Variants in TBX5 observed in about 807,000 individuals in gnomAD.
TBX5 encodes the protein T-box transcription factor TBX5.
A neutral mutation model predicts 51.1 loss-of-function variants in TBX5; 8 were observed. That is an observed-to-expected ratio of 0.16 (90% CI 0.09 to 0.28). TBX5 has a LOEUF of 0.28. TBX5 is among the 10% of genes least tolerant of loss of function. The pLI is 1.00. For missense variants in TBX5, 589 were observed against 671.7 expected (o/e 0.88, Z 1.36); for synonymous variants, 302 against 266.4 (o/e 1.13, Z -1.30).
At chr12:114,406,293 C>T (rs530896217), upstream of TBX5, among the ~76,000 whole-genome samples, 1 of 149,886 alleles carries the variant, frequency 6.7e-6, no homozygotes, top group East Asian at 2.0e-4. Context: ...CAACACAGAC[C>T]TGCAATAACT....
At chr12:114,387,115 A>C (rs1247972) in intron 6 of TBX5, among the ~76,000 whole-genome samples, 89,083 of 149,480 alleles carry the variant, frequency 0.6, 26,715 homozygotes, top group Admixed American at 0.73. Flanking sequence ...CAAAAAAAAA[A>C]CAAAAAACAA....
intron 8 of TBX5, among the ~76,000 whole-genome samples, chr12:114,356,794 C>T (rs564189925): frequency 4.6e-5 from 7 of 152,122 alleles, no homozygotes; most frequent in Admixed American, 1.3e-4. Flanking sequence ...TCACAACAAC[C>T]CTACCAGGTG....
At chr12:114,357,411 C>A (rs575747899) in intron 8 of TBX5, among the ~76,000 whole-genome samples, 1 of 152,308 alleles carries the variant, frequency 6.6e-6, no homozygotes, top group South Asian at 2.1e-4. Flanking sequence ...AAAACCCAGA[C>A]CCCAGGTTAA....
rs1019378478 is a variant in TBX5 at position 114,405,778 on chromosome 12, C to A, written c.-189G>T. 5 of 985,578 alleles carry A rather than the reference C, an allele frequency of 5.1e-6. No homozygotes were observed. Among genetic ancestry groups the A allele is most frequent in the Non-Finnish European group, 6.0e-6 (5 of 830,062 alleles). 61.1% of individuals were successfully genotyped at this position (985,578 alleles called of 1,614,324 possible). ...TAGCGGCTACTGCTGCCTACTAGGG[C>A]GCACCTACCGCTGGAGCCTCCGCGG... On this transcript the variant is annotated 5_prime_UTR_variant, in exon 1 of 9. Transcript: ENST00000405440.
chr12:114,385,933 G>A (rs1422987391), intron 6 of TBX5, among the ~76,000 whole-genome samples: 3 of 151,008 alleles, frequency 2.0e-5, no homozygotes, highest in African/African-American at 7.3e-5. Flanking sequence ...AGCTGTGCAT[G>A]TTGACATGAT....
chr12:114,398,017 T>C (rs957154975), intron 5 of TBX5, among the ~76,000 whole-genome samples: 2 of 152,196 alleles, frequency 1.3e-5, no homozygotes, highest in African/African-American at 4.8e-5. Flanking sequence ...AGGAGGTCCA[T>C]ATTTTCTGCA....
chr12:114,373,040 A>C (rs1247663128), intron 7 of TBX5, among the ~76,000 whole-genome samples: 1 of 151,674 alleles, frequency 6.6e-6, no homozygotes, highest in Non-Finnish European at 1.5e-5. Flanking sequence ...CACATTGCTC[A>C]ATAAACACTA....
chr12:114,380,259 G>A (rs1870432340), intron 7 of TBX5, among the ~76,000 whole-genome samples: 1 of 152,182 alleles, frequency 6.6e-6, no homozygotes, highest in Non-Finnish European at 1.5e-5. Context: ...TCCAAAGAAA[G>A]AGTTGTTCTA....
chr12:114,406,701 C>A (rs574886362), upstream of TBX5, among the ~76,000 whole-genome samples: 12 of 152,314 alleles, frequency 7.9e-5, no homozygotes, highest in African/African-American at 2.9e-4. Context: ...CCTCACCCCC[C>A]ACCCAGTGGG....
At chr12:114,383,890 A>G (rs2136395702) in intron 7 of TBX5, among the ~76,000 whole-genome samples, 1 of 152,250 alleles carries the variant, frequency 6.6e-6, no homozygotes, top group South Asian at 2.1e-4. Context: ...GCACAGCAGG[A>G]ACTTTGCCTG....
chr12:114,408,054 A>G (rs1593891819), upstream of TBX5: 1 of 985,468 alleles, frequency 1.0e-6, no homozygotes, highest in Non-Finnish European at 1.2e-6. Context: ...AGAGGCAACC[A>G]GGCGATAGCG....
At position 114,384,745 on chromosome 12, in the gene TBX5, A is replaced by ACACAAC. The variant is rs10629159; in HGVS notation, c.755+730_755+731insGTTGTG. On this transcript the variant is annotated intron_variant, in intron 7 of 8. Transcript: ENST00000405440. Reference sequence around the variant, plus strand: ...CACACACACACACACACACACACACAACACACACACACAAACCTTCTTGGT... The same window carrying ACACAAC: ...CACACACACACACACACACACACACACACAACACACACACACACAAACCTTCTTGGT... 6.7e-4 allele frequency among the ~76,000 whole-genome samples: 77 copies of ACACAAC among 115,240 alleles called. No homozygotes were observed. The Middle Eastern group carries it at 0.017, about 26-fold the overall frequency. 75.6% of individuals were successfully genotyped at this position (115,240 alleles called of 152,430 possible).
At chr12:114,392,211 A>G (rs952530402) in intron 6 of TBX5, among the ~76,000 whole-genome samples, 2 of 150,580 alleles carry the variant, frequency 1.3e-5, no homozygotes, top group African/African-American at 4.9e-5. Context: ...TCACACATAC[A>G]CACCCCATTG....
intron 7 of TBX5, among the ~76,000 whole-genome samples, chr12:114,373,820 C>A (rs1870052671): frequency 6.6e-6 from 1 of 152,214 alleles, no homozygotes; most frequent in African/African-American, 2.4e-5. Context: ...CTGAACTGAA[C>A]AGCCAATATT....
chr12:114,398,881 C>A (rs1200001200), intron 4 of TBX5, among the ~76,000 whole-genome samples, 161 bp from the exon 5 acceptor site: 2 of 152,242 alleles, frequency 1.3e-5, no homozygotes, highest in Non-Finnish European at 2.9e-5. Flanking sequence ...GCAATCCCAG[C>A]TGCCCCAGAA....
intron 7 of TBX5, among the ~76,000 whole-genome samples, chr12:114,376,271 A>G (rs1870182893): frequency 6.8e-6 from 1 of 147,362 alleles, no homozygotes; most frequent in Non-Finnish European, 1.5e-5. Flanking sequence ...GTGTGTATAT[A>G]TATACACACA....
chr12:114,404,686 C>T (rs1379566062), intron 1 of TBX5, among the ~76,000 whole-genome samples: 1 of 152,088 alleles, frequency 6.6e-6, no homozygotes, highest in Non-Finnish European at 1.5e-5. Context: ...GCAGCCGTTC[C>T]GAGGAAGGCT....
intron 5 of TBX5, among the ~76,000 whole-genome samples, chr12:114,397,208 T>C (rs577986227): frequency 1.3e-5 from 2 of 151,734 alleles, no homozygotes; most frequent in Non-Finnish European, 2.9e-5. Context: ...TCGGCGACCA[T>C]GCGCCTATCT....
At chr12:114,389,012 T>C (rs1870995897) in intron 6 of TBX5, among the ~76,000 whole-genome samples, 1 of 152,120 alleles carries the variant, frequency 6.6e-6, no homozygotes, top group Admixed American at 6.5e-5. Flanking sequence ...CACTGCAAAC[T>C]CCGCCTCTCA....
Sources: allele counts gnomAD v4.1 joint callset (sites outside exome capture counted in the v4.1 genomes callset), GRCh38; gene constraint gnomAD v4.1.1; transcripts MANE v1.5; gene names NCBI Gene and HGNC (gene_info 2026-07-23, HGNC 2026-07-21).